The following FBN2 variants were observed in gnomAD, a reference collection of about 807,000 sequenced individuals.
FBN2 encodes the protein fibrillin-2.
In FBN2, 105 loss-of-function variants were observed where a neutral mutation model predicts 355.6. The observed-to-expected ratio is 0.30, with a 90% CI of 0.25 to 0.35. The LOEUF is 0.35. Among genes scored for constraint, FBN2 ranks in the 10% least tolerant of loss-of-function variants. The pLI is 1.00. For synonymous variants in FBN2, 1,350 were observed against 1,301.2 expected (o/e 1.04, Z -0.81); for missense variants, 3,280 against 3,758.7 (o/e 0.87, Z 3.33).
At chr5:128,380,194 A>C (rs1752193481) in intron 11 of FBN2, among the ~76,000 whole-genome samples, 1 of 152,176 alleles carries the variant, frequency 6.6e-6, no homozygotes, top group African/African-American at 2.4e-5. Context: ...AAAGGAACGA[A>C]GCAAAATGAG....
At chr5:128,447,316 C>A (rs901300449) in intron 6 of FBN2, among the ~76,000 whole-genome samples, 34 of 152,134 alleles carry the variant, frequency 2.2e-4, no homozygotes, top group Non-Finnish European at 4.4e-4. Flanking sequence ...GGAGAAATAT[C>A]GCTGAATTCG....
chr5:128,288,327 C>T (rs1749217173), intron 53 of FBN2, 111 bp downstream of exon 53: 1 of 1,292,038 alleles, frequency 7.7e-7, no homozygotes, highest in Non-Finnish European at 1.1e-6. Flanking sequence ...ACAAAAAACC[C>T]CACCGTATGC....
intron 19 of FBN2, among the ~76,000 whole-genome samples, chr5:128,360,579 C>A (rs1176771771): frequency 2.0e-5 from 3 of 151,328 alleles, no homozygotes; most frequent in Non-Finnish European, 4.4e-5. Context: ...TTTCTTTAGG[C>A]TAATTACTGT....
rs115515304 is a variant in FBN2, at chr5:128,369,590, C to T, written c.2096-256G>A. Among the ~76,000 whole-genome samples the T allele has an allele frequency of 3.6e-3, 555 of 152,276 alleles. 4 individuals carry two copies. Among genetic ancestry groups the T allele is most frequent in the African/African-American group, 0.013 (520 of 41,544 alleles). ...TATGAGCTACACAGTATCCATTGTC[C>T]GATGTATTCTTACAAACCTTTTGTG... On this transcript the variant is annotated intron_variant, in intron 15 of 64. Transcript: ENST00000262464.
chr5:128,460,268 A>C (rs1400296548), intron 6 of FBN2, among the ~76,000 whole-genome samples: 1 of 152,184 alleles, frequency 6.6e-6, no homozygotes, highest in Non-Finnish European at 1.5e-5. Flanking sequence ...TGCTACAAAG[A>C]GAATAAAATA....
At chr5:128,334,380 A>G (rs930180737) in intron 31 of FBN2, among the ~76,000 whole-genome samples, 3 of 152,180 alleles carry the variant, frequency 2.0e-5, no homozygotes, top group East Asian at 1.9e-4. Flanking sequence ...CTCTTTGTAC[A>G]TGAATGTCTT....
At chr5:128,280,377 A>G (rs889155362) in intron 55 of FBN2, 60 bp from the exon 56 acceptor site, 3 of 1,304,872 alleles carry the variant, frequency 2.3e-6, no homozygotes, top group African/African-American at 2.9e-5. Context: ...TTTACAAGCT[A>G]TCTTCTAATG....
chr5:128,277,312 C>T (rs942231861), intron 58 of FBN2, among the ~76,000 whole-genome samples: 1 of 152,118 alleles, frequency 6.6e-6, no homozygotes, highest in Non-Finnish European at 1.5e-5. Context: ...AATAAAAAAC[C>T]GAATAAGAAA....
intron 39 of FBN2, among the ~76,000 whole-genome samples, chr5:128,310,765 C>T (rs1750032043): frequency 6.6e-6 from 1 of 152,116 alleles, no homozygotes; most frequent in South Asian, 2.1e-4. Flanking sequence ...GAACTTATGG[C>T]TGTAATGATG....
chr5:128,279,911 TA>T (rs1765490344), intron 56 of FBN2, among the ~76,000 whole-genome samples: 1 of 152,226 alleles, frequency 6.6e-6, no homozygotes, highest in African/African-American at 2.4e-5. Flanking sequence ...TCCTCTGATG[TA>T]AGTTTTACTA....
chr5:128,536,365 G>A (rs1217667854), intron 2 of FBN2, 37 bp downstream of exon 2: 2 of 1,549,448 alleles, frequency 1.3e-6, no homozygotes, highest in South Asian at 1.1e-5. Context: ...AGGGCCGAGT[G>A]CGCTGCCCCA....
chr5:128,439,365 G>C (rs762853002), intron 7 of FBN2, among the ~76,000 whole-genome samples: 46 of 152,200 alleles, frequency 3.0e-4, no homozygotes, highest in Non-Finnish European at 6.0e-4. Context: ...GAATTTGTGA[G>C]AGTGTCTATT....
At chr5:128,301,567 C>T (rs966696582) in intron 46 of FBN2, 57 bp from the exon 47 acceptor site, 27 of 1,535,878 alleles carry the variant, frequency 1.8e-5, no homozygotes, top group Non-Finnish European at 2.4e-5. Context: ...TATATTGTTT[C>T]ACAAGACGCT....
At chr5:128,472,947 T>G (rs1754906076) in intron 5 of FBN2, among the ~76,000 whole-genome samples, 1 of 152,142 alleles carries the variant, frequency 6.6e-6, no homozygotes, top group African/African-American at 2.4e-5. Flanking sequence ...AAAAATAAAC[T>G]GAGTATTTTT....
chr5:128,397,896 T>C (rs1486172457), intron 8 of FBN2, among the ~76,000 whole-genome samples: 1 of 151,872 alleles, frequency 6.6e-6, no homozygotes, highest in African/African-American at 2.4e-5. Flanking sequence ...AACAGAAAAC[T>C]CCCTCGTAAG....
intron 20 of FBN2, among the ~76,000 whole-genome samples, chr5:128,352,755 T>A (rs72785127): frequency 7.2e-5 from 11 of 152,220 alleles, no homozygotes; most frequent in African/African-American, 9.6e-5. Context: ...ATGTGAGTGA[T>A]GTGGAAAACA....
intron 23 of FBN2, among the ~76,000 whole-genome samples, chr5:128,348,255 G>T (rs1273169158): frequency 2.0e-5 from 3 of 151,774 alleles, no homozygotes; most frequent in African/African-American, 7.3e-5. Context: ...TTAAAATTTC[G>T]ATAGTTTTGG....
intron 41 of FBN2, among the ~76,000 whole-genome samples, chr5:128,307,690 G>A (rs1326994004): frequency 6.7e-6 from 1 of 149,898 alleles, no homozygotes; most frequent in East Asian, 1.9e-4. Context: ...TTTTTACTGT[G>A]TCTATTGGAA....
Position 128,498,472 on chromosome 5 carries a change from A to G in FBN2, c.628+20801T>C, listed in dbSNP as rs537245693. On this transcript the variant is annotated intron_variant, in intron 5 of 64. Transcript: ENST00000262464. ...TTATCCTCAAGTGCTCTGTGCCTGA[A>G]AAAATGGACCTTGGTATTCCCTAGC... is the stretch of plus-strand genomic sequence containing the variant. 1.7e-4 allele frequency among the ~76,000 whole-genome samples: 26 copies of G among 152,260 alleles called. No individual in the cohort carries two copies. The South Asian group carries it at 5.4e-3, about 32-fold the overall frequency.
Sources: allele counts gnomAD v4.1 joint callset (sites outside exome capture counted in the v4.1 genomes callset), GRCh38; gene constraint gnomAD v4.1.1; transcripts MANE v1.5; gene names NCBI Gene and HGNC (gene_info 2026-07-23, HGNC 2026-07-21).